ADAMTSL1: variants seen among roughly 807,000 people sequenced by gnomAD.
The protein encoded by ADAMTSL1 is ADAMTS like 1.
In ADAMTSL1, 126 loss-of-function variants were observed where a neutral mutation model predicts 201.8. That is an observed-to-expected ratio of 0.62 (90% CI 0.54 to 0.72). The LOEUF is 0.72. Among genes scored for constraint, ADAMTSL1 ranks in the 30% least tolerant of loss-of-function variants. The pLI, the probability that ADAMTSL1 is intolerant of heterozygous loss-of-function variation, is 0.00. For missense variants in ADAMTSL1, 2,679 were observed against 2,277.8 expected, an observed-to-expected ratio of 1.18 and a Z score of -3.59; for synonymous variants, 1,121 against 903.4, an observed-to-expected ratio of 1.24 and a Z score of -4.32.
chr9:18,644,819 G>C (rs984085141), intron 7 of ADAMTSL1, among the ~76,000 whole-genome samples: 5 of 151,764 alleles, frequency 3.3e-5, no homozygotes, highest in Non-Finnish European at 5.9e-5. Context: ...CCAAGTCTTT[G>C]TTATTGTGAA....
intron 7 of ADAMTSL1, among the ~76,000 whole-genome samples, chr9:18,649,904 C>A (rs1051987077): frequency 6.6e-6 from 1 of 152,090 alleles, no homozygotes; most frequent in Non-Finnish European, 1.5e-5. Context: ...CTGGGAGAAC[C>A]ACTGCTCTCT....
intron 19 of ADAMTSL1, 106 bp from the exon 20 acceptor site, chr9:18,795,291 A>G (rs1294843756): frequency 3.5e-6 from 5 of 1,434,982 alleles, no homozygotes; most frequent in Non-Finnish European, 4.7e-6. Flanking sequence ...TTGTTAAAAC[A>G]GGGTTCTGCA....
chr9:18,237,232 G>A (rs1279976656), intron 2 of ADAMTSL1, among the ~76,000 whole-genome samples: 5 of 152,130 alleles, frequency 3.3e-5, no homozygotes, highest in Admixed American at 3.3e-4. Flanking sequence ...GGGCCCACCT[G>A]GCTGCTTAAG....
chr9:18,524,119 G>C (rs948523636), intron 2 of ADAMTSL1, among the ~76,000 whole-genome samples: 101 of 151,414 alleles, frequency 6.7e-4, no homozygotes, highest in Non-Finnish European at 1.2e-3. Flanking sequence ...TTATTTCCTC[G>C]AGCAGTGGTT....
intron 1 of ADAMTSL1, among the ~76,000 whole-genome samples, chr9:18,033,862 A>T (rs2131614557): frequency 6.6e-6 from 1 of 152,330 alleles, no homozygotes; most frequent in East Asian, 1.9e-4. Flanking sequence ...AACCCAACAT[A>T]GTAGATGTCC....
intron 1 of ADAMTSL1, among the ~76,000 whole-genome samples, chr9:17,932,765 C>T (rs1330438917): frequency 1.2e-4 from 19 of 152,140 alleles, no homozygotes; most frequent in Admixed American, 1.2e-3. Context: ...CTGCTTATTA[C>T]AATAGACTAT....
intron 2 of ADAMTSL1, among the ~76,000 whole-genome samples, chr9:18,382,538 G>A (rs911469703): frequency 6.6e-6 from 1 of 151,876 alleles, no homozygotes; most frequent in Non-Finnish European, 1.5e-5. Flanking sequence ...AGGAATGTTT[G>A]TTTTGGAGAA....
At chr9:17,924,558 C>A (rs1402507738) in intron 1 of ADAMTSL1, among the ~76,000 whole-genome samples, 2 of 150,490 alleles carry the variant, frequency 1.3e-5, no homozygotes, top group African/African-American at 2.5e-5. Context: ...CGCATACCTA[C>A]AACTATCTGA....
intron 2 of ADAMTSL1, among the ~76,000 whole-genome samples, chr9:18,524,542 G>C (rs1391290025): frequency 6.6e-6 from 1 of 152,102 alleles, no homozygotes; most frequent in African/African-American, 2.4e-5. Flanking sequence ...AATGCTTCCA[G>C]TTTTTGCCCA....
chr9:18,291,747 T>TCACACA lies in ADAMTSL1; in HGVS notation c.207+127793_207+127798dup, dbSNP rs368988848. On this transcript the variant is annotated intron_variant, in intron 2 of 29. Transcript: ENST00000680146. ...CTCTCTCTCTCTCTCTCTCTCTCTC[T>TCACACA]CACACACACACACACACACACACAC... Among the ~76,000 whole-genome samples the TCACACA allele has an allele frequency of 9.2e-3, 914 of 99,862 alleles. 10 individuals are homozygous for TCACACA. The highest frequency in any genetic ancestry group is 0.014 in the Non-Finnish European group (675 of 49,572). 65.5% of individuals were successfully genotyped at this position (99,862 alleles called of 152,430 possible). A position where few individuals can be genotyped will look rare whatever the true frequency, so the allele number is the denominator to read the frequency against.
intron 1 of ADAMTSL1, among the ~76,000 whole-genome samples, chr9:18,143,316 T>G (rs1490063977): frequency 6.6e-6 from 1 of 152,126 alleles, no homozygotes; most frequent in African/African-American, 2.4e-5. Context: ...TGGGCTCTGG[T>G]CAATTGGTTC....
chr9:18,757,510 C>G (rs941277296), intron 16 of ADAMTSL1, among the ~76,000 whole-genome samples: 2 of 152,046 alleles, frequency 1.3e-5, no homozygotes, highest in African/African-American at 4.8e-5. Context: ...ATGTCTTGTT[C>G]AGGCCTTCAT....
At chr9:18,276,637 G>A (rs1413730664) in intron 2 of ADAMTSL1, among the ~76,000 whole-genome samples, 2 of 152,224 alleles carry the variant, frequency 1.3e-5, no homozygotes, top group African/African-American at 4.8e-5. Context: ...CCTGCTTCTG[G>A]TGAGGTCTTC....
intron 2 of ADAMTSL1, among the ~76,000 whole-genome samples, chr9:18,169,246 T>C (rs1827780477): frequency 6.6e-6 from 1 of 152,022 alleles, no homozygotes; most frequent in Admixed American, 6.6e-5. Flanking sequence ...TTCTAGGGTT[T>C]TTATGGTTTT....
At chr9:18,250,026 A>C (rs1224366516) in intron 2 of ADAMTSL1, among the ~76,000 whole-genome samples, 1 of 152,194 alleles carries the variant, frequency 6.6e-6, no homozygotes, top group Middle Eastern at 3.2e-3. Flanking sequence ...ATACTATCTA[A>C]TTTCCTGCCC....
intron 9 of ADAMTSL1, among the ~76,000 whole-genome samples, chr9:18,667,944 G>T (rs2133070474): frequency 6.6e-6 from 1 of 152,034 alleles, no homozygotes; most frequent in East Asian, 1.9e-4. Flanking sequence ...AACTCCTGAA[G>T]TCTCAGTTCA....
At chr9:18,167,516 A>C (rs1393719066) in intron 2 of ADAMTSL1, among the ~76,000 whole-genome samples, 1 of 151,946 alleles carries the variant, frequency 6.6e-6, no homozygotes, top group Non-Finnish European at 1.5e-5. Flanking sequence ...TAATTTGCTG[A>C]AAATCAACTG....
intron 1 of ADAMTSL1, among the ~76,000 whole-genome samples, chr9:18,052,836 C>G (rs1821998832): frequency 6.6e-6 from 1 of 152,090 alleles, no homozygotes; most frequent in Non-Finnish European, 1.5e-5. Flanking sequence ...AGGAAATTCT[C>G]TGTACATTTT....
chr9:18,707,184 T>G (rs1281015747), intron 14 of ADAMTSL1, 136 bp downstream of exon 14: 3 of 1,137,516 alleles, frequency 2.6e-6, no homozygotes, highest in South Asian at 1.6e-5. Context: ...CCATTCTAAA[T>G]GTAAAGCACA....
Sources: gnomAD v4.1 joint callset for allele counts (sites outside exome capture counted in the v4.1 genomes callset) on GRCh38, gnomAD v4.1.1 for gene constraint, MANE v1.5 for transcripts, NCBI Gene and HGNC (gene_info 2026-07-23, HGNC 2026-07-21) for gene names.